The following CADPS2 variants were observed in gnomAD, a reference collection of about 807,000 sequenced individuals.
CADPS2 encodes the protein calcium-dependent secretion activator 2.
Under a neutral mutation model 172.5 loss-of-function variants are expected in CADPS2, and 93 were observed. That is an observed-to-expected ratio of 0.54 (90% confidence interval 0.46 to 0.64). CADPS2 has a LOEUF of 0.64. Ranked by LOEUF, CADPS2 falls within the 30% of genes least tolerant of loss-of-function variation. CADPS2 has a pLI of 0.00. For synonymous variants in CADPS2, 546 were observed against 555.2 expected (o/e 0.98, Z 0.23); for missense variants, 1,420 against 1,565.9 (o/e 0.91, Z 1.57).
chr7:122,885,622 C>T (rs755640128), intron 1 of CADPS2, among the ~76,000 whole-genome samples: 11 of 152,158 alleles, frequency 7.2e-5, no homozygotes, highest in Non-Finnish European at 1.3e-4. Flanking sequence ...CTAGCAATAT[C>T]ACGCCAGGCT....
intron 25 of CADPS2, among the ~76,000 whole-genome samples, chr7:122,361,843 G>A (rs2040188763): frequency 6.6e-6 from 1 of 152,082 alleles, no homozygotes; most frequent in Non-Finnish European, 1.5e-5. Flanking sequence ...GGAGGCCAAG[G>A]TGGGCGGATC....
intron 2 of CADPS2, among the ~76,000 whole-genome samples, chr7:122,708,846 G>A (rs889895606): frequency 3.3e-5 from 5 of 151,736 alleles, no homozygotes; most frequent in African/African-American, 1.2e-4. Context: ...GAAGTAACGG[G>A]GGGAAAAATT....
At chr7:122,702,877 A>G (rs890376730) in intron 2 of CADPS2, 4 of 657,424 alleles carry the variant, frequency 6.1e-6, no homozygotes, top group African/African-American at 5.5e-5. Flanking sequence ...GTCTCCCTGG[A>G]TCAAAGCTAT....
At chr7:122,337,407 A>T (rs920623432) in intron 28 of CADPS2, among the ~76,000 whole-genome samples, 1 of 152,228 alleles carries the variant, frequency 6.6e-6, no homozygotes, top group Admixed American at 6.5e-5. Flanking sequence ...TCTAAGCAAG[A>T]AGCCCACATA....
At chr7:122,477,946 TCTTTCA>T (rs2056895056) in intron 12 of CADPS2, among the ~76,000 whole-genome samples, 1 of 152,210 alleles carries the variant, frequency 6.6e-6, no homozygotes, top group Non-Finnish European at 1.5e-5. Flanking sequence ...CTCCCTGCCA[TCTTTCA>T]CTTTAAAGTT....
rs142036303 is a variant in CADPS2, at chr7:122,576,126, T to C, written c.1335+5053A>G. Among the ~76,000 whole-genome samples, 306 of 152,272 alleles carry C rather than the reference T, an allele frequency of 2.0e-3. 2 individuals carry two copies. The highest frequency in any genetic ancestry group is 1.8e-3 in the Non-Finnish European group (122 of 68,020). On this transcript the variant is annotated intron_variant, in intron 7 of 29. Transcript: ENST00000449022. ...CCTCTGATTTGTGACAGTTTCTCAC[T>C]TTTCTTTTTTATGACCTTGACAGTC...
At chr7:122,334,691 C>T (rs2035569796) in intron 28 of CADPS2, among the ~76,000 whole-genome samples, 1 of 152,012 alleles carries the variant, frequency 6.6e-6, no homozygotes. Flanking sequence ...CCACTTGAAG[C>T]AGAGGGAGAA....
At chr7:122,726,538 A>G (rs2091103567) in intron 2 of CADPS2, among the ~76,000 whole-genome samples, 1 of 151,972 alleles carries the variant, frequency 6.6e-6, no homozygotes, top group Non-Finnish European at 1.5e-5. Context: ...AAAGAAAAGA[A>G]ATAAAGCTCT....
At chr7:122,849,683 T>C (rs1812993896) in intron 1 of CADPS2, 1 of 328,908 alleles carries the variant, frequency 3.0e-6, no homozygotes, top group South Asian at 2.4e-5. Context: ...AGGCATTTGA[T>C]TGGGTCTTTG....
At chr7:122,807,136 AG>A (rs368744018) in intron 1 of CADPS2, among the ~76,000 whole-genome samples, 146 of 152,358 alleles carry the variant, frequency 9.6e-4, no homozygotes, top group African/African-American at 3.3e-3. Context: ...CAGTGCATGC[AG>A]GGGGCATGTG....
At chr7:122,644,722 A>G (rs1385814421) in intron 3 of CADPS2, among the ~76,000 whole-genome samples, 3 of 152,138 alleles carry the variant, frequency 2.0e-5, no homozygotes, top group African/African-American at 4.8e-5. Context: ...CTATAAGGTA[A>G]CTAATGTTCT....
chr7:122,698,790 G>A, intron 2 of CADPS2: 2 of 1,613,872 alleles, frequency 1.2e-6, no homozygotes, highest in Non-Finnish European at 1.7e-6. Flanking sequence ...GAAATGATAT[G>A]TTCATATAAG....
At chr7:122,639,130 C>T (rs2077350601) in intron 3 of CADPS2, among the ~76,000 whole-genome samples, 1 of 152,146 alleles carries the variant, frequency 6.6e-6, no homozygotes, top group Non-Finnish European at 1.5e-5. Context: ...CTAATGAAGG[C>T]AATGGATAAA....
At chr7:122,877,139 G>A (rs983208259) in intron 1 of CADPS2, among the ~76,000 whole-genome samples, 1 of 152,002 alleles carries the variant, frequency 6.6e-6, no homozygotes, top group Non-Finnish European at 1.5e-5. Context: ...CTAGTAATCT[G>A]ATCTGTCACA....
chr7:122,718,125 C>T (rs894351512), intron 2 of CADPS2, among the ~76,000 whole-genome samples: 1 of 151,570 alleles, frequency 6.6e-6, no homozygotes, highest in African/African-American at 2.4e-5. Context: ...GCCACCACGC[C>T]TGGCCCCCTC....
intron 2 of CADPS2, among the ~76,000 whole-genome samples, chr7:122,720,601 T>C (rs529362086): frequency 1.3e-4 from 19 of 151,308 alleles, no homozygotes; most frequent in African/African-American, 4.1e-4. Context: ...TATACATACA[T>C]ATATACGTAT....
chr7:122,648,408 T>G (rs2078785170), intron 3 of CADPS2, among the ~76,000 whole-genome samples: 1 of 151,976 alleles, frequency 6.6e-6, no homozygotes, highest in African/African-American at 2.4e-5. Context: ...TCACCTGCAA[T>G]CTCGACATGG....
At chr7:122,345,753 C>T (rs1193416837) in intron 27 of CADPS2, 72 bp from the exon 28 acceptor site, 2 of 984,142 alleles carry the variant, frequency 2.0e-6, no homozygotes, top group Non-Finnish European at 3.1e-6. Flanking sequence ...TTTAATCATA[C>T]CCTGAAAAAT....
At chr7:122,331,389 G>A (rs1203261598) in intron 28 of CADPS2, among the ~76,000 whole-genome samples, 1 of 152,174 alleles carries the variant, frequency 6.6e-6, no homozygotes, top group African/African-American at 2.4e-5. Flanking sequence ...TGTAATCCCA[G>A]CACTTTGGGA....
Sources: allele counts gnomAD v4.1 joint callset (sites outside exome capture counted in the v4.1 genomes callset), GRCh38; gene constraint gnomAD v4.1.1; transcripts MANE v1.5; gene names NCBI Gene and HGNC (gene_info 2026-07-23, HGNC 2026-07-21).